Variants in ANKRD26 observed in about 807,000 individuals in gnomAD.
ANKRD26 encodes ankyrin repeat domain-containing protein 26.
In ANKRD26, 141 loss-of-function variants were observed where a neutral mutation model predicts 208.7. That is an observed-to-expected ratio of 0.68 (90% CI 0.59 to 0.78). The LOEUF is 0.78. Among genes scored for constraint, ANKRD26 ranks in the 30% least tolerant of loss-of-function variants. The pLI, the probability that ANKRD26 is intolerant of heterozygous loss-of-function variation, is 0.00. For missense variants in ANKRD26, 1,889 were observed against 1,938.7 expected (o/e 0.97, Z 0.48); for synonymous variants, 636 against 660.4 (o/e 0.96, Z 0.57).
In ANKRD26 at chr10:27,034,793, T is replaced by TA. The variant is rs1309001615; in HGVS notation, c.3654+2dup. The TA allele has an allele frequency of 6.3e-7, 1 of 1,588,218 alleles. No individual in the cohort carries two copies. The highest frequency in any genetic ancestry group is 1.1e-5 in the South Asian group (1 of 88,500). On this transcript the variant is annotated splice_region_variant and intron_variant, in intron 24 of 33. Coordinates refer to ENST00000376087, the MANE Select transcript of ANKRD26 (RefSeq NM_014915.3). The stretch of plus-strand genomic sequence containing the variant: ...AAAAATATTTATCTTTCTTGATACT[T>TA]ACTTCTCTTTCTGCCTTTTCATTTT...
At chr10:27,012,252 C>A (rs187901689) in intron 32 of ANKRD26, among the ~76,000 whole-genome samples, 195 of 152,222 alleles carry the variant, frequency 1.3e-3, no homozygotes, top group South Asian at 5.4e-3. Flanking sequence ...TCAACGTATA[C>A]CTTTTGCTAT....
intron 25 of ANKRD26, among the ~76,000 whole-genome samples, chr10:27,032,497 G>A (rs762375069): frequency 2.0e-5 from 3 of 152,052 alleles, no homozygotes; most frequent in African/African-American, 4.8e-5. Context: ...TTAGCCAGGC[G>A]TGGTGGTGGG....
At chr10:27,067,094 A>G in intron 10 of ANKRD26, 63 bp downstream of exon 10, 6 of 1,575,756 alleles carry the variant, frequency 3.8e-6, no homozygotes, top group Non-Finnish European at 5.2e-6. Flanking sequence ...GGTGTGAGCC[A>G]CATCTGGACC....
At chr10:27,048,256 C>T (rs753544065) in intron 17 of ANKRD26, among the ~76,000 whole-genome samples, 4 of 152,030 alleles carry the variant, frequency 2.6e-5, no homozygotes, top group African/African-American at 9.7e-5. Flanking sequence ...ATTTGGGATA[C>T]TATAATAAAT....
chr10:27,081,484 C>G (rs1333280850), intron 6 of ANKRD26, among the ~76,000 whole-genome samples: 1 of 152,114 alleles, frequency 6.6e-6, no homozygotes, highest in Non-Finnish European at 1.5e-5. Flanking sequence ...GTTTGAATAT[C>G]ATATCCAAAT....
chr10:27,069,546 T>A (rs1204021126), intron 9 of ANKRD26, among the ~76,000 whole-genome samples: 1 of 152,054 alleles, frequency 6.6e-6, no homozygotes, highest in African/African-American at 2.4e-5. Context: ...TGAGCTCAAG[T>A]GATCCACCAG....
chr10:26,987,861 A>T (rs2134651007), downstream of ANKRD26, among the ~76,000 whole-genome samples: 1 of 152,296 alleles, frequency 6.6e-6, no homozygotes, highest in East Asian at 1.9e-4. Flanking sequence ...CTTCTACAGA[A>T]TGGAAGTGCC....
intron 16 of ANKRD26, among the ~76,000 whole-genome samples, chr10:27,050,244 A>AAAAAG (rs2054605396): frequency 3.7e-5 from 5 of 134,280 alleles, no homozygotes; most frequent in African/African-American, 7.5e-5. Context: ...AAAAAAAAAA[A>AAAAAG]AAAGAAAGAA....
intron 31 of ANKRD26, among the ~76,000 whole-genome samples, chr10:27,013,805 TAA>T (rs2053199931): frequency 6.6e-6 from 1 of 152,120 alleles, no homozygotes; most frequent in Non-Finnish European, 1.5e-5. Flanking sequence ...CAAAAAGAAC[TAA>T]AGAGTCTCAA....
In ANKRD26 at chr10:27,093,683, A is replaced by C; in HGVS notation, c.357+2T>G. On this transcript the variant is annotated splice_donor_variant, in intron 2 of 33. Transcript: ENST00000376087. LOFTEE classifies it high-confidence loss of function. ...ATGCTGAAAGAGCTGGCTACTATAT[A>C]CCTTCATCAGAGCTGTCCTGTTTTC... is the stretch of plus-strand genomic sequence containing the variant. 6.2e-7 allele frequency: 1 copy of C among 1,613,050 alleles called. No homozygotes were observed. Among genetic ancestry groups the C allele is most frequent in the Non-Finnish European group, 8.5e-7 (1 of 1,178,994 alleles).
At chr10:27,082,014 T>G (rs1046502266) in intron 6 of ANKRD26, among the ~76,000 whole-genome samples, 13 of 146,860 alleles carry the variant, frequency 8.9e-5, no homozygotes, top group South Asian at 4.3e-4. Flanking sequence ...GGGATTACAG[T>G]TGTGAGCCAC....
chr10:27,006,011 G>T (rs1589196624), intron 33 of ANKRD26, among the ~76,000 whole-genome samples: 1 of 152,014 alleles, frequency 6.6e-6, no homozygotes, highest in East Asian at 1.9e-4. Flanking sequence ...AAGATGATAT[G>T]ATCCACCTCT....
intron 20 of ANKRD26, among the ~76,000 whole-genome samples, chr10:27,042,552 G>C (rs753100700): frequency 2.0e-5 from 3 of 152,128 alleles, no homozygotes; most frequent in Non-Finnish European, 2.9e-5. Context: ...AGGCAATTGA[G>C]ACCATCCTGG....
At chr10:26,984,350 C>T (rs978741346) in intron 3 of ANKRD26, among the ~76,000 whole-genome samples, 1 of 152,182 alleles carries the variant, frequency 6.6e-6, no homozygotes, top group Non-Finnish European at 1.5e-5. Context: ...GTTTAGTGAA[C>T]TGGAGGCTAA....
intron 11 of ANKRD26, 24 bp downstream of exon 11, chr10:27,066,463 A>G: frequency 6.5e-7 from 1 of 1,539,834 alleles, no homozygotes; most frequent in Non-Finnish European, 8.9e-7. Flanking sequence ...ATTTTAAAAT[A>G]ATAGTAACAA....
chr10:26,949,440 T>C, the ANKRD26 span, among the ~76,000 whole-genome samples: 1 of 134,060 alleles, frequency 7.5e-6, no homozygotes. Flanking sequence ...ATTATTCAGT[T>C]TTCAAGATTT....
intron 15 of ANKRD26, among the ~76,000 whole-genome samples, chr10:27,054,079 G>T (rs1269809537): frequency 6.6e-6 from 1 of 152,040 alleles, no homozygotes; most frequent in Non-Finnish European, 1.5e-5. Context: ...CAGATAAACA[G>T]GTGTCTCCTT....
At chr10:27,080,223 TAC>T (rs1285206179) in intron 6 of ANKRD26, 1 of 153,186 alleles carries the variant, frequency 6.5e-6, no homozygotes, top group Non-Finnish European at 1.5e-5. Context: ...GGTAGAAAGA[TAC>T]ACTGTCCTTT....
chr10:27,042,152 G>A (rs866394898), intron 20 of ANKRD26, among the ~76,000 whole-genome samples: 11 of 152,220 alleles, frequency 7.2e-5, no homozygotes, highest in East Asian at 1.9e-4. Flanking sequence ...CCACATGTAC[G>A]CAGCCAACAT....
Sources: gnomAD v4.1 joint callset for allele counts (sites outside exome capture counted in the v4.1 genomes callset) on GRCh38, gnomAD v4.1.1 for gene constraint, MANE v1.5 for transcripts, NCBI Gene and HGNC (gene_info 2026-07-23, HGNC 2026-07-21) for gene names.